Variants in LCLAT1 observed in about 807,000 individuals in gnomAD.
LCLAT1 encodes 1-AGP acyltransferase 8.
A neutral mutation model predicts 30.7 loss-of-function variants in LCLAT1; 11 were observed. The ratio of observed to expected loss-of-function variants is 0.36; its 90% confidence interval spans 0.23 to 0.59. The LOEUF (loss-of-function observed/expected upper bound fraction) is 0.59, where lower values mean the gene tolerates loss of function less well. Ranked by LOEUF, LCLAT1 falls within the 20% of genes least tolerant of loss-of-function variation. LCLAT1 has a pLI of 0.77. For synonymous variants in LCLAT1, 155 were observed against 151.3 expected, an observed-to-expected ratio of 1.02 and a Z score of -0.18; for missense variants, 402 against 458.6, an observed-to-expected ratio of 0.88 and a Z score of 1.13.
chr2:30,531,067 C>T (rs1038284871), intron 2 of LCLAT1, among the ~76,000 whole-genome samples: 5 of 152,056 alleles, frequency 3.3e-5, no homozygotes, highest in African/African-American at 1.2e-4. Context: ...AGTTCAAGAC[C>T]AGCCTGGCCA....
intron 5 of LCLAT1, among the ~76,000 whole-genome samples, chr2:30,598,292 G>T (rs1667018955): frequency 6.6e-6 from 1 of 151,920 alleles, no homozygotes; most frequent in Non-Finnish European, 1.5e-5. Context: ...TGGTTGGTAG[G>T]TTATTTATTA....
At chr2:30,459,509 A>G in intron 1 of LCLAT1, 2 of 810,738 alleles carry the variant, frequency 2.5e-6, no homozygotes, top group South Asian at 1.5e-5. Context: ...ACTGTTCCCA[A>G]ACTCTGCTTT....
intron 5 of LCLAT1, among the ~76,000 whole-genome samples, chr2:30,597,324 A>C (rs1334985941): frequency 6.6e-6 from 1 of 152,024 alleles, no homozygotes; most frequent in Non-Finnish European, 1.5e-5. Flanking sequence ...TTCCTTGAGC[A>C]GTGATTTGTA....
chr2:30,450,057 A>G (rs1487407079), intron 1 of LCLAT1, among the ~76,000 whole-genome samples: 2 of 152,358 alleles, frequency 1.3e-5, no homozygotes, highest in Admixed American at 1.3e-4. Context: ...GGATGTAAAC[A>G]TTAACTCCTG....
chr2:30,487,372 G>A (rs768223617), intron 1 of LCLAT1, among the ~76,000 whole-genome samples: 53 of 152,140 alleles, frequency 3.5e-4, no homozygotes, highest in Non-Finnish European at 5.7e-4. Context: ...TAGAAAATCC[G>A]TAATTTAATA....
intron 4 of LCLAT1, among the ~76,000 whole-genome samples, chr2:30,566,427 A>G (rs1665487568): frequency 6.6e-6 from 1 of 152,150 alleles, no homozygotes; most frequent in Non-Finnish European, 1.5e-5. Flanking sequence ...AATGAATATG[A>G]GAGGAACTTA....
intron 1 of LCLAT1, among the ~76,000 whole-genome samples, chr2:30,451,413 G>C (rs1179603004): frequency 6.6e-6 from 1 of 152,180 alleles, no homozygotes; most frequent in African/African-American, 2.4e-5. Context: ...ATACTCAAGA[G>C]AAACTAATGC....
intron 1 of LCLAT1, among the ~76,000 whole-genome samples, chr2:30,505,471 A>G (rs78714223): frequency 0.024 from 3,650 of 152,136 alleles, 67 homozygotes; most frequent in Non-Finnish European, 0.036. Flanking sequence ...TATGAACAGC[A>G]TATGTCTAAT....
At chr2:30,506,372 G>A (rs974546603) in intron 1 of LCLAT1, among the ~76,000 whole-genome samples, 1 of 151,768 alleles carries the variant, frequency 6.6e-6, no homozygotes, top group African/African-American at 2.4e-5. Context: ...TATTTCTAAT[G>A]GTTTCTCAAA....
intron 4 of LCLAT1, among the ~76,000 whole-genome samples, chr2:30,563,067 C>A (rs1296202510): frequency 6.9e-6 from 1 of 143,942 alleles, no homozygotes; most frequent in Non-Finnish European, 1.5e-5. Flanking sequence ...TTTTTTTTTT[C>A]TTTTTTGAGC....
At chr2:30,599,305 C>G (rs1274749842) in intron 5 of LCLAT1, among the ~76,000 whole-genome samples, 1 of 152,132 alleles carries the variant, frequency 6.6e-6, no homozygotes, top group Non-Finnish European at 1.5e-5. Flanking sequence ...AATCTGAGTT[C>G]TAATTAATTT....
chr2:30,614,868 A>C (rs75785533), intron 5 of LCLAT1, among the ~76,000 whole-genome samples: 6,859 of 152,200 alleles, frequency 0.045, 524 homozygotes, highest in African/African-American at 0.16. Context: ...TCCACAAAGA[A>C]GACTTCAGAG....
chr2:30,589,134 T>A (rs1374601098), intron 5 of LCLAT1, among the ~76,000 whole-genome samples: 1 of 152,244 alleles, frequency 6.6e-6, no homozygotes, highest in African/African-American at 2.4e-5. Flanking sequence ...CATCAGATAT[T>A]AAATTCCAGT....
At chr2:30,621,975 A>T (rs989619583) in intron 5 of LCLAT1, among the ~76,000 whole-genome samples, 5 of 152,184 alleles carry the variant, frequency 3.3e-5, no homozygotes, top group Admixed American at 6.5e-5. Context: ...GGAGGTACAA[A>T]ACCTGAAAGC....
At chr2:30,588,173 T>C (rs1207497278) in intron 5 of LCLAT1, among the ~76,000 whole-genome samples, 2 of 152,246 alleles carry the variant, frequency 1.3e-5, no homozygotes, top group Non-Finnish European at 2.9e-5. Flanking sequence ...TGGCTCTGTG[T>C]GCTCCTGACG....
In LCLAT1 at chr2:30,641,498, A is replaced by C. The variant is rs1669303866; in HGVS notation, c.*879A>C. On this transcript the variant is annotated 3_prime_UTR_variant, in exon 6 of 6. Transcript: ENST00000379509. ...ATTCCAGTCAGAAACTGTCTTTTGA[A>C]ATATTTCTTTACAACCTACCAAAAA... 2 of 152,174 alleles carry C rather than the reference A, an allele frequency of 1.3e-5. No individual in the cohort carries two copies. Among genetic ancestry groups the C allele is most frequent in the Non-Finnish European group, 2.9e-5 (2 of 68,032 alleles). The allele number at this position is 152,174 out of a possible 1,614,324, so 9.4% of individuals were successfully genotyped here. A position where few individuals can be genotyped will look rare whatever the true frequency, so the allele number is the denominator to read the frequency against.
intron 1 of LCLAT1, among the ~76,000 whole-genome samples, chr2:30,450,651 C>T (rs1039496525): frequency 3.3e-5 from 5 of 152,176 alleles, no homozygotes; most frequent in Non-Finnish European, 7.3e-5. Context: ...TTGTCCAGCA[C>T]CTAACAACAT....
intron 1 of LCLAT1, among the ~76,000 whole-genome samples, chr2:30,447,861 G>A (rs963950529): frequency 6.6e-6 from 1 of 152,212 alleles, no homozygotes; most frequent in African/African-American, 2.4e-5. Context: ...GCCGTGGAGA[G>A]CAGGGGCTGG....
intron 3 of LCLAT1, among the ~76,000 whole-genome samples, chr2:30,535,165 TA>T (rs1407021499): frequency 1.3e-5 from 2 of 151,996 alleles, no homozygotes; most frequent in Non-Finnish European, 2.9e-5. Flanking sequence ...CACCCTAATT[TA>T]AAAAAAGTTA....
Sources: gnomAD v4.1 joint callset for allele counts (sites outside exome capture counted in the v4.1 genomes callset) on GRCh38, gnomAD v4.1.1 for gene constraint, MANE v1.5 for transcripts, NCBI Gene and HGNC (gene_info 2026-07-23, HGNC 2026-07-21) for gene names.